Variants in INTS10 observed in about 807,000 individuals in gnomAD.
The protein encoded by INTS10 is integrator complex subunit 10, also known as chromosome 8 open reading frame 35.
Under a neutral mutation model 94.4 loss-of-function variants are expected in INTS10, and 44 were observed. The ratio of observed to expected loss-of-function variants is 0.47; its 90% CI spans 0.37 to 0.60. The LOEUF (loss-of-function observed/expected upper bound fraction) is 0.60. INTS10 is among the 20% of genes least tolerant of loss of function. INTS10 has a pLI of 0.00. For missense variants in INTS10, 797 were observed against 868.7 expected (o/e 0.92, Z 1.04); for synonymous variants, 341 against 320.7 (o/e 1.06, Z -0.68).
At chr8:19,830,824 G>A (rs562577501) in intron 10 of INTS10, among the ~76,000 whole-genome samples, 2 of 152,036 alleles carry the variant, frequency 1.3e-5, no homozygotes, top group African/African-American at 4.8e-5. Flanking sequence ...AGGCACGTGC[G>A]ACCATGCCCG....
intron 6 of INTS10, 38 bp downstream of exon 6, chr8:19,823,479 T>G (rs748333553): frequency 1.5e-6 from 2 of 1,376,310 alleles, no homozygotes; most frequent in Non-Finnish European, 2.0e-6. Context: ...TTAAATAGGC[T>G]TTAGTAATAT....
At chr8:19,833,057 C>T (rs978075056) in intron 11 of INTS10, 112 bp from the exon 12 acceptor site, 9 of 818,282 alleles carry the variant, frequency 1.1e-5, no homozygotes, top group African/African-American at 1.8e-5. Flanking sequence ...ACCAAGCTAC[C>T]GTCTTTGTAT....
rs1332342505 is a variant in INTS10, at chr8:19,833,127, A to G, written c.1378-42A>G. 5.4e-6 allele frequency: 8 copies of G among 1,469,780 alleles called. No individual in the cohort carries two copies. The South Asian group carries it at 9.8e-5, about 18-fold the overall frequency. The allele number at this position is 1,469,780 out of a possible 1,614,324, so 91.0% of individuals were successfully genotyped here. ...GGTATTTTTTAAATTTCTTTTTTTAACAGCGATGCTTTTCCCCTCCTTGCT... is the reference window on the plus strand; with the variant it reads ...GGTATTTTTTAAATTTCTTTTTTTAGCAGCGATGCTTTTCCCCTCCTTGCT... On this transcript the variant is annotated intron_variant, in intron 11 of 16. Coordinates refer to ENST00000397977, the MANE Select transcript of INTS10 (RefSeq NM_018142.4).
chr8:19,831,061 G>A (rs1340138096), intron 10 of INTS10, among the ~76,000 whole-genome samples: 1 of 152,142 alleles, frequency 6.6e-6, no homozygotes, highest in African/African-American at 2.4e-5. Context: ...TGAGTATACT[G>A]GGTATTTTGA....
At chr8:19,822,665 A>T (rs2066471942) in intron 5 of INTS10, 145 bp downstream of exon 5, 1 of 542,350 alleles carries the variant, frequency 1.8e-6, no homozygotes, top group Non-Finnish European at 3.2e-6. Flanking sequence ...ATTTAGAAGC[A>T]TTTTAGCTGG....
chr8:19,823,800 C>T (rs1450270833), intron 6 of INTS10, 73 bp from the exon 7 acceptor site: 2 of 1,332,342 alleles, frequency 1.5e-6, no homozygotes, highest in South Asian at 1.5e-5. Flanking sequence ...GGGAGTCAGA[C>T]TTTCTTTATC....
Position 19,849,623 on chromosome 8 carries a change from C to CCT in INTS10, c.1977-2026_1977-2025insCT, listed in dbSNP as rs1563480882. ...AAGTACATTTTTATTTGTGGATACT[C>CCT]ATATGAGTGACCAGTCATTATGGTC... On this transcript the variant is annotated intron_variant, in intron 16 of 16. Transcript: ENST00000397977. The surrounding 1 kb of genome is among the most constrained non-coding windows in gnomAD (Gnocchi z 4.6). 1.3e-5 allele frequency among the ~76,000 whole-genome samples: 2 copies of CCT among 152,146 alleles called. No homozygotes were observed. The highest frequency in any genetic ancestry group is 2.4e-5 in the African/African-American group (1 of 41,428).
At chr8:19,827,232 G>A (rs1198734767) in intron 9 of INTS10, among the ~76,000 whole-genome samples, 1 of 152,124 alleles carries the variant, frequency 6.6e-6, no homozygotes, top group Non-Finnish European at 1.5e-5. Flanking sequence ...GCCTCTGCCC[G>A]TTGAAGCTGT....
At position 19,817,760 on chromosome 8, in the gene INTS10, G is replaced by A. The variant is rs917085083; in HGVS notation, c.129+94G>A. 1.3e-3 allele frequency: 1,946 copies of A among 1,474,262 alleles called. 4 individuals carry two copies. Among genetic ancestry groups the A allele is most frequent in the Non-Finnish European group, 1.5e-3 (1,646 of 1,099,142 alleles). The allele number at this position is 1,474,262 out of a possible 1,614,324, so 91.3% of individuals were successfully genotyped here. ...GGCCCAGAGCTGCGCCTGCCTGGGG[G>A]CTGCCGCCTCCTGCCCGGCCCCCTG... is the stretch of plus-strand genomic sequence containing the variant. On this transcript the variant is annotated intron_variant, in intron 1 of 16. Coordinates refer to ENST00000397977, the MANE Select transcript of INTS10 (RefSeq NM_018142.4).
intron 16 of INTS10, among the ~76,000 whole-genome samples, chr8:19,848,346 C>T (rs75575548): frequency 8.3e-4 from 126 of 152,240 alleles, no homozygotes; most frequent in Non-Finnish European, 1.6e-3. Flanking sequence ...ACTGAGGGCA[C>T]CCGGTGCTTC....
At chr8:19,850,326 T>G (rs2068926015) in intron 16 of INTS10, among the ~76,000 whole-genome samples, 1 of 152,072 alleles carries the variant, frequency 6.6e-6, no homozygotes. Context: ...TCACCGATGC[T>G]ATGTCCTAAC....
At position 19,833,291 on chromosome 8, in the gene INTS10, G is replaced by A. The variant is rs758862755; in HGVS notation, c.1500G>A (p.Ala500=). The A allele has an allele frequency of 9.9e-6, 16 of 1,612,670 alleles. No individual in the cohort carries two copies. The highest frequency in any genetic ancestry group is 1.7e-4 in the Middle Eastern group (1 of 6,056). The change falls in exon 12 of 17, where the codon GCG becomes GCA. Residue 500 remains alanine (A), a synonymous_variant. Coordinates refer to ENST00000397977, the MANE Select transcript of INTS10 (RefSeq NM_018142.4). The part of the protein sequence containing the change: ...LEHQRALIQL[A]TCHFALGEYR... ...ATCAGAGGGCGCTCATCCAGCTGGCGACGTGCCACTTTGCGCTAGGGGAGT... is the reference window on the plus strand; with the variant it reads ...ATCAGAGGGCGCTCATCCAGCTGGCAACGTGCCACTTTGCGCTAGGGGAGT...
chr8:19,839,715 A>G (rs1563431629), intron 13 of INTS10, among the ~76,000 whole-genome samples: 1 of 151,952 alleles, frequency 6.6e-6, no homozygotes, highest in Non-Finnish European at 1.5e-5. Context: ...AACAAAAACA[A>G]AAAACCCAAC....
At position 19,833,254 on chromosome 8, in the gene INTS10, G is replaced by A. The variant is rs1195350511; in HGVS notation, c.1463G>A (p.Gly488Glu). 1.2e-6 allele frequency: 2 copies of A among 1,612,922 alleles called. No homozygotes were observed. The highest frequency in any genetic ancestry group is 1.7e-6 in the Non-Finnish European group (2 of 1,179,440). ...TCTCAGCCACAGATCACAGGGCAGG[G>A]GACCCTGGAGCATCAGAGGGCGCTC... Reference protein sequence around the residue: ...SISQPQITGQGTLEHQRALIQ... With the variant: ...SISQPQITGQETLEHQRALIQ... The change falls in exon 12 of 17, where the codon GGG becomes GAG. Residue 488 changes from glycine (G) to glutamate (E), a missense_variant. This residue lies in a region of INTS10 where 734 missense variants were observed against 787.8 expected (regional missense o/e 0.93). Transcript: ENST00000397977.
chr8:19,838,296 C>A (rs922112033), intron 13 of INTS10, among the ~76,000 whole-genome samples: 2 of 151,760 alleles, frequency 1.3e-5, no homozygotes, highest in African/African-American at 4.9e-5. Context: ...GCAGAGGTTG[C>A]AGTGAGCCGA....
At position 19,817,534 on chromosome 8, in the gene INTS10, G is replaced by A; in HGVS notation, c.-4G>A. 6.2e-7 allele frequency: 1 copy of A among 1,606,060 alleles called. No homozygotes were observed. The highest frequency in any genetic ancestry group is 8.5e-7 in the Non-Finnish European group (1 of 1,177,622). On this transcript the variant is annotated 5_prime_UTR_variant, in exon 1 of 17. Coordinates refer to ENST00000397977, the MANE Select transcript of INTS10 (RefSeq NM_018142.4). Reference sequence around the variant, plus strand: ...CGGGCTGGCGGCTGGAGAGCGCTCGGGTCATGTCTGCCCAGGGGGACTGCG... The same window carrying A: ...CGGGCTGGCGGCTGGAGAGCGCTCGAGTCATGTCTGCCCAGGGGGACTGCG...
intron 16 of INTS10, among the ~76,000 whole-genome samples, chr8:19,847,199 A>T (rs923448335): frequency 6.6e-6 from 1 of 152,224 alleles, no homozygotes; most frequent in Non-Finnish European, 1.5e-5. Flanking sequence ...CCTTCATCTT[A>T]TAAGTGTTAT....
Position 19,824,132 on chromosome 8 carries a change from C to G in INTS10, c.836+88C>G, listed in dbSNP as rs888214539. On this transcript the variant is annotated intron_variant, in intron 7 of 16. Transcript: ENST00000397977. ...TCATGCTTTTTAAATCTGTGTAATG[C>G]GTAGGTATAGTTTTTGGGCAAATTT... 6 of 1,205,924 alleles carry G rather than the reference C, an allele frequency of 5.0e-6. No homozygotes were observed. In the African/African-American group the frequency reaches 9.3e-5, roughly 19 times the overall value. 74.7% of individuals were successfully genotyped at this position (1,205,924 alleles called of 1,614,324 possible).
rs777488518 is a variant in INTS10 at position 19,822,542 on chromosome 8, A to G, written c.523+22A>G. On this transcript the variant is annotated intron_variant, in intron 5 of 16. Coordinates refer to ENST00000397977, the MANE Select transcript of INTS10 (RefSeq NM_018142.4). ...TTTGGTAAGGAAAATTGTATTCTCT[A>G]TTACTTCTATGGTAAATTAATATGC... The G allele has an allele frequency of 1.1e-5, 15 of 1,387,586 alleles. No individual in the cohort carries two copies. In the East Asian group the frequency reaches 1.4e-4, roughly 13 times the overall value. 86.0% of individuals were successfully genotyped at this position (1,387,586 alleles called of 1,614,324 possible).
Sources: gnomAD v4.1 joint callset for allele counts (sites outside exome capture counted in the v4.1 genomes callset) on GRCh38, gnomAD v4.1.1 for gene constraint, gnomAD v4.1.1 regional missense constraint, Gnocchi (gnomAD v3.1) non-coding constraint, MANE v1.5 for transcripts, NCBI Gene and HGNC (gene_info 2026-07-23, HGNC 2026-07-21) for gene names.